Variants in DIAPH2 observed in about 807,000 individuals in gnomAD.
DIAPH2 encodes diaphanous related formin 2.
Under a neutral mutation model 92.7 loss-of-function variants are expected in DIAPH2, and 35 were observed. The ratio of observed to expected loss-of-function variants is 0.38; its 90% CI spans 0.29 to 0.50. DIAPH2 has a LOEUF of 0.50. Ranked by LOEUF, DIAPH2 falls within the 20% of genes least tolerant of loss-of-function variation. The pLI is 0.94. For synonymous variants in DIAPH2, 301 were observed against 280.4 expected, an observed-to-expected ratio of 1.07 and a Z score of -0.73; for missense variants, 701 against 819.5, an observed-to-expected ratio of 0.86 and a Z score of 1.77.
At chrX:97,250,725 A>G (rs915392976) in intron 23 of DIAPH2, among the ~76,000 whole-genome samples, 6 of 111,857 alleles carry the variant, frequency 5.4e-5, no homozygotes, top group African/African-American at 9.7e-5. Context: ...AGCTAGAGAC[A>G]GTGAAGATCA....
Position 96,912,471 on chromosome X carries a change from TC to T in DIAPH2, c.663-11del. The T allele has an allele frequency of 8.3e-7, 1 of 1,201,597 alleles. No individual in the cohort carries two copies. Among genetic ancestry groups the T allele is most frequent in the Non-Finnish European group, 1.1e-6 (1 of 890,684 alleles). The stretch of plus-strand genomic sequence containing the variant: ...TTCAGCACAACATAATATACATTTT[TC>T]TTTTATTTAGGCAAGAAAATATTGA... On this transcript the variant is annotated splice_polypyrimidine_tract_variant and intron_variant, in intron 6 of 26. Transcript: ENST00000324765.
chrX:97,407,651 TA>T (rs1267303135), intron 25 of DIAPH2, among the ~76,000 whole-genome samples: 3 of 112,189 alleles, frequency 2.7e-5, no homozygotes, highest in African/African-American at 9.7e-5. Context: ...TTTGAAATTG[TA>T]AATCTTTTCT....
Position 97,141,741 on chromosome X carries a change from G to T in DIAPH2, c.2666G>T (p.Arg889Leu). The T allele has an allele frequency of 8.3e-7, 1 of 1,204,559 alleles. No homozygotes were observed. The change falls in exon 22 of 27, where the codon CGA (arginine) becomes CTA (leucine). Residue 889 changes from arginine to leucine, a missense_variant. By Grantham distance (102) the Arg-to-Leu change is moderately radical. Transcript: ENST00000324765. ...FIADICEEKY[R>L]DILKFPEELE... Reference sequence around the variant, plus strand: ...GCCGACATTTGTGAGGAAAAATATCGAGATATCCTAAAATTTCCTGAAGAA... The same window carrying T: ...GCCGACATTTGTGAGGAAAAATATCTAGATATCCTAAAATTTCCTGAAGAA...
At chrX:97,152,113 T>A (rs1261921096) in intron 22 of DIAPH2, among the ~76,000 whole-genome samples, 1 of 111,691 alleles carries the variant, frequency 9.0e-6, no homozygotes, top group Non-Finnish European at 1.9e-5. Context: ...CCCTCTGATA[T>A]ATTCATCAAT....
intron 22 of DIAPH2, among the ~76,000 whole-genome samples, chrX:97,152,478 T>C (rs767474075): frequency 1.5e-4 from 17 of 111,586 alleles, no homozygotes; most frequent in African/African-American, 5.5e-4. Flanking sequence ...TACCACAGAT[T>C]AGGTAATTTC....
In DIAPH2 at chrX:96,752,855, A is replaced by G. The variant is rs149346422; in HGVS notation, c.343-5299A>G. Among the ~76,000 whole-genome samples the G allele has an allele frequency of 2.7e-5, 3 of 112,270 alleles. No individual in the cohort carries two copies. The East Asian group carries it at 8.4e-4, about 31-fold the overall frequency. Reference sequence around the variant, plus strand: ...GGAGGTGATAACGCTAATAGCTAGCATTCTTTGAAAGCTAGTTAATATACA... The same window carrying G: ...GGAGGTGATAACGCTAATAGCTAGCGTTCTTTGAAAGCTAGTTAATATACA... On this transcript the variant is annotated intron_variant, in intron 3 of 26. Coordinates refer to ENST00000324765, the MANE Select transcript of DIAPH2 (RefSeq NM_006729.5).
At chrX:97,189,937 G>A (rs1319313603) in intron 22 of DIAPH2, among the ~76,000 whole-genome samples, 1 of 112,896 alleles carries the variant, frequency 8.9e-6, no homozygotes, top group Non-Finnish European at 1.9e-5. Context: ...CTCTTACTTG[G>A]CTTGTTAAGT....
chrX:96,717,377 C>T (rs779706715), intron 1 of DIAPH2, among the ~76,000 whole-genome samples: 1 of 110,843 alleles, frequency 9.0e-6, no homozygotes, highest in African/African-American at 3.3e-5. Context: ...TGAAGTCTGA[C>T]TGTTACTGTG....
chrX:97,369,128 G>A (rs1206734914), intron 24 of DIAPH2, among the ~76,000 whole-genome samples: 1 of 109,729 alleles, frequency 9.1e-6, no homozygotes, highest in Non-Finnish European at 1.9e-5. Flanking sequence ...GGCTGGTCTC[G>A]AACTCCCTAC....
intron 17 of DIAPH2, among the ~76,000 whole-genome samples, chrX:97,040,624 A>G (rs1299458371): frequency 9.0e-6 from 1 of 110,966 alleles, no homozygotes; most frequent in Non-Finnish European, 1.9e-5. Context: ...AATAATGCAT[A>G]TGGTGTTCAT....
intron 19 of DIAPH2, among the ~76,000 whole-genome samples, chrX:97,085,295 G>A (rs1367871524): frequency 2.7e-5 from 3 of 111,909 alleles, no homozygotes; most frequent in Admixed American, 9.5e-5. Flanking sequence ...TGTAGAAAAC[G>A]AAGTACCTAA....
intron 23 of DIAPH2, among the ~76,000 whole-genome samples, chrX:97,291,126 C>T (rs2068586850): frequency 9.1e-6 from 1 of 109,542 alleles, no homozygotes; most frequent in African/African-American, 3.3e-5. Flanking sequence ...GTGGCTCATG[C>T]CTGTAATCCC....
chrX:97,478,701 A>G (rs1282811325), intron 26 of DIAPH2, among the ~76,000 whole-genome samples: 1 of 112,203 alleles, frequency 8.9e-6, no homozygotes, highest in East Asian at 2.8e-4. Context: ...TAGGCAAGTC[A>G]GATTAAATGT....
chrX:96,797,309 C>T (rs758616714), intron 4 of DIAPH2, among the ~76,000 whole-genome samples: 4 of 110,303 alleles, frequency 3.6e-5, no homozygotes, highest in East Asian at 5.7e-4. Context: ...GGTGAAACCC[C>T]GTCTCTACTA....
chrX:97,302,330 A>G (rs983594949), intron 23 of DIAPH2, among the ~76,000 whole-genome samples: 16 of 109,610 alleles, frequency 1.5e-4, no homozygotes, highest in Non-Finnish European at 3.0e-4. Flanking sequence ...GGAGCTCAAG[A>G]CCAACCTGGC....
chrX:97,323,367 G>A (rs867508781), intron 23 of DIAPH2, among the ~76,000 whole-genome samples: 110 of 102,834 alleles, frequency 1.1e-3, no homozygotes, highest in Middle Eastern at 5.0e-3. Flanking sequence ...CGAGGCGGGC[G>A]GATCACGAGG....
intron 4 of DIAPH2, among the ~76,000 whole-genome samples, chrX:96,781,303 A>G (rs1292249790): frequency 9.0e-6 from 1 of 111,539 alleles, no homozygotes; most frequent in Non-Finnish European, 1.9e-5. Flanking sequence ...CAACAATATC[A>G]TGGCAATACT....
chrX:96,685,485 G>A (rs1199797941), intron 1 of DIAPH2, among the ~76,000 whole-genome samples: 1 of 113,139 alleles, frequency 8.8e-6, no homozygotes, highest in African/African-American at 3.2e-5. Flanking sequence ...GGGTAGGGCT[G>A]TTGTTTGTCT....
At chrX:97,299,445 A>G (rs2068675400) in intron 23 of DIAPH2, among the ~76,000 whole-genome samples, 1 of 111,877 alleles carries the variant, frequency 8.9e-6, no homozygotes, top group Admixed American at 9.6e-5. Context: ...ATAGCTTGAA[A>G]TTTATCTTGT....
Sources: gnomAD v4.1 joint callset for allele counts (sites outside exome capture counted in the v4.1 genomes callset) on GRCh38, gnomAD v4.1.1 for gene constraint, MANE v1.5 for transcripts, NCBI Gene and HGNC (gene_info 2026-07-23, HGNC 2026-07-21) for gene names.